The following PTPRD variants were observed in gnomAD, a reference collection of about 807,000 sequenced individuals.
PTPRD encodes the protein receptor-type tyrosine-protein phosphatase delta.
PTPRD carries 34 observed loss-of-function variants against 214.5 expected under a neutral mutation model. The ratio of observed to expected loss-of-function variants is 0.16; its 90% CI spans 0.12 to 0.21. The LOEUF (loss-of-function observed/expected upper bound fraction) is 0.21. PTPRD is among the 10% of genes least tolerant of loss of function. PTPRD has a pLI of 1.00. For missense variants in PTPRD, 2,545 were observed against 2,398.7 expected (o/e 1.06, Z -1.27); for synonymous variants, 1,128 against 845.7 (o/e 1.33, Z -5.79).
In PTPRD at chr9:10,436,751, A is replaced by C. The variant is rs192206368; in HGVS notation, c.-599-95734T>G. ...ATTATTTCCTGTTTTATTTGGATGA[A>C]TCTCTGTCCAAAATACTGACAGGTT... On this transcript the variant is annotated intron_variant, in intron 2 of 45. Transcript: ENST00000381196. Among the ~76,000 whole-genome samples, 500 of 151,828 alleles carry C rather than the reference A, an allele frequency of 3.3e-3. 3 individuals carry two copies. The highest frequency in any genetic ancestry group is 5.3e-3 in the Non-Finnish European group (359 of 67,860).
chr9:10,296,782 T>C (rs1377300683), intron 3 of PTPRD, among the ~76,000 whole-genome samples: 1 of 152,090 alleles, frequency 6.6e-6, no homozygotes, highest in Non-Finnish European at 1.5e-5. Context: ...ATTCCAGGCA[T>C]GGTTTTCACT....
At chr9:9,267,082 G>A (rs1940198034) in intron 9 of PTPRD, among the ~76,000 whole-genome samples, 1 of 151,154 alleles carries the variant, frequency 6.6e-6, no homozygotes, top group Non-Finnish European at 1.5e-5. Context: ...ATGAATAAAT[G>A]TTTTAAATGC....
intron 3 of PTPRD, among the ~76,000 whole-genome samples, chr9:10,185,031 G>T (rs2099322918): frequency 6.6e-6 from 1 of 152,026 alleles, no homozygotes; most frequent in South Asian, 2.1e-4. Context: ...CCCAAGTCAA[G>T]GAGATTAATG....
intron 35 of PTPRD, among the ~76,000 whole-genome samples, chr9:8,430,700 C>T (rs2094986955): frequency 6.6e-6 from 1 of 152,138 alleles, no homozygotes; most frequent in African/African-American, 2.4e-5. Flanking sequence ...GACGCCAATG[C>T]TGCTGGTCTG....
At chr9:9,027,138 A>T (rs923228261) in intron 10 of PTPRD, among the ~76,000 whole-genome samples, 5 of 151,630 alleles carry the variant, frequency 3.3e-5, no homozygotes, top group Non-Finnish European at 7.4e-5. Flanking sequence ...TCTGGCATAC[A>T]TTCTGAATTT....
rs947903223 is a variant in PTPRD at position 8,720,320 on chromosome 9, G to C, written c.64+13460C>G. Among the ~76,000 whole-genome samples, 9 of 152,356 alleles carry C rather than the reference G, an allele frequency of 5.9e-5. 1 individual carries two copies. The Middle Eastern group carries it at 0.01, about 173-fold the overall frequency. ...ATGATGACTCAATATGTCAGAGAGT[G>C]AAAGTAGAAGCTTCCAGGCTGCTGA... On this transcript the variant is annotated intron_variant, in intron 12 of 45. Coordinates refer to ENST00000381196, the MANE Select transcript of PTPRD (RefSeq NM_002839.4).
Position 10,103,748 on chromosome 9 carries a change from CAG to C in PTPRD, c.-544-69960_-544-69959del, listed in dbSNP as rs376477591. Among the ~76,000 whole-genome samples the C allele has an allele frequency of 7.5e-4, 114 of 151,594 alleles. 2 individuals are homozygous for C. In the South Asian group the frequency reaches 0.022, roughly 29 times the overall value. ...TAGGGATGCTTATCCTTACAGGCAGCAGAGTCAGGACTGGTCCAGACACTCTT... is the reference window on the plus strand; with the variant it reads ...TAGGGATGCTTATCCTTACAGGCAGCAGTCAGGACTGGTCCAGACACTCTT... On this transcript the variant is annotated intron_variant, in intron 3 of 45. Coordinates refer to ENST00000381196, the MANE Select transcript of PTPRD (RefSeq NM_002839.4).
intron 5 of PTPRD, among the ~76,000 whole-genome samples, chr9:9,769,474 C>A (rs113797968): frequency 6.6e-5 from 10 of 151,806 alleles, no homozygotes; most frequent in African/African-American, 2.4e-4. Context: ...TACAGGTGCC[C>A]GCCACCACAC....
At chr9:10,415,504 A>G (rs993059348) in intron 2 of PTPRD, among the ~76,000 whole-genome samples, 2 of 151,918 alleles carry the variant, frequency 1.3e-5, no homozygotes, top group South Asian at 4.1e-4. Flanking sequence ...AGGTAAGAGA[A>G]AGATTTATTA....
At chr9:9,064,164 G>T (rs866900309) in intron 10 of PTPRD, among the ~76,000 whole-genome samples, 2 of 152,034 alleles carry the variant, frequency 1.3e-5, no homozygotes, top group Non-Finnish European at 2.9e-5. Context: ...TAAAGCATAA[G>T]AAATGTATTT....
intron 9 of PTPRD, among the ~76,000 whole-genome samples, chr9:9,346,467 T>C (rs2048843386): frequency 6.6e-6 from 1 of 152,142 alleles, no homozygotes; most frequent in South Asian, 2.1e-4. Context: ...TAAACAACTC[T>C]ATATTACGAT....
At chr9:8,855,519 T>A (rs377498890) in intron 11 of PTPRD, among the ~76,000 whole-genome samples, 2 of 152,128 alleles carry the variant, frequency 1.3e-5, no homozygotes, top group Non-Finnish European at 2.9e-5. Flanking sequence ...GCAAAAATAA[T>A]ACATTACTCA....
In PTPRD at chr9:9,085,467, C is replaced by T. The variant is rs1591353696; in HGVS notation, c.-142-66732G>A. On this transcript the variant is annotated intron_variant, in intron 10 of 45. Transcript: ENST00000381196. The stretch of plus-strand genomic sequence containing the variant: ...ATGGACATTTCTTCCTATTTTTGAC[C>T]CTTAGGGTGAAAATAACAGCGCCTT... 2.0e-5 allele frequency among the ~76,000 whole-genome samples: 3 copies of T among 152,106 alleles called. No individual in the cohort carries two copies. The East Asian group carries it at 5.8e-4, about 29-fold the overall frequency.
chr9:9,090,256 T>A (rs1037013548), intron 10 of PTPRD, among the ~76,000 whole-genome samples: 3 of 152,194 alleles, frequency 2.0e-5, no homozygotes, highest in African/African-American at 7.2e-5. Flanking sequence ...TTCTATTCTC[T>A]ACCTCTATAA....
chr9:10,316,763 A>T (rs1384057918), intron 3 of PTPRD, among the ~76,000 whole-genome samples: 1 of 151,936 alleles, frequency 6.6e-6, no homozygotes, highest in East Asian at 1.9e-4. Context: ...AATCTAAAAA[A>T]GATTTTTTAG....
chr9:8,619,418 A>G (rs2095737632), intron 14 of PTPRD, among the ~76,000 whole-genome samples: 1 of 151,504 alleles, frequency 6.6e-6, no homozygotes, highest in Admixed American at 6.6e-5. Context: ...ATTTTTTTAG[A>G]TTCCACAAAT....
intron 8 of PTPRD, among the ~76,000 whole-genome samples, chr9:9,512,531 A>C (rs541368166): frequency 6.6e-6 from 1 of 152,052 alleles, no homozygotes; most frequent in East Asian, 1.9e-4. Flanking sequence ...AGTGATAAAA[A>C]TGCAATTTCG....
At chr9:9,630,273 G>C (rs964613696) in intron 7 of PTPRD, among the ~76,000 whole-genome samples, 1 of 152,178 alleles carries the variant, frequency 6.6e-6, no homozygotes, top group Non-Finnish European at 1.5e-5. Flanking sequence ...CAACATACCA[G>C]GTGTTGGTTT....
chr9:10,180,321 C>T lies in PTPRD; in HGVS notation c.-544-146531G>A, dbSNP rs569726563. Among the ~76,000 whole-genome samples, 8 of 152,066 alleles carry T rather than the reference C, an allele frequency of 5.3e-5. No homozygotes were observed. In the South Asian group the frequency reaches 1.5e-3, roughly 28 times the overall value. On this transcript the variant is annotated intron_variant, in intron 3 of 45. Transcript: ENST00000381196. ...TGTCCACAGGATAAAAGCCAAAGTT[C>T]TAAAAGTAAAAACAGCCCACATGAT...
Sources: allele counts gnomAD v4.1 joint callset (sites outside exome capture counted in the v4.1 genomes callset), GRCh38; gene constraint gnomAD v4.1.1; transcripts MANE v1.5; gene names NCBI Gene and HGNC (gene_info 2026-07-23, HGNC 2026-07-21).